Variants in LNX1 observed in about 807,000 individuals in gnomAD.
LNX1 encodes E3 ubiquitin-protein ligase LNX.
In LNX1, 54 loss-of-function variants were observed where a neutral mutation model predicts 68.4. That is an observed-to-expected ratio of 0.79 (90% CI 0.63 to 0.99). The LOEUF is 0.99. LNX1 is among the 50% of genes least tolerant of loss of function. The pLI is 0.00. For synonymous variants in LNX1, 336 were observed against 350.0 expected (o/e 0.96, Z 0.45); for missense variants, 906 against 926.4 (o/e 0.98, Z 0.29).
intron 2 of LNX1, among the ~76,000 whole-genome samples, chr4:53,525,739 T>C (rs1482017726): frequency 1.3e-5 from 2 of 152,224 alleles, no homozygotes; most frequent in African/African-American, 2.4e-5. Flanking sequence ...CTTGGATCAA[T>C]GCTATGGTAG....
chr4:53,561,496 G>C (rs1402096357), intron 2 of LNX1, among the ~76,000 whole-genome samples: 1 of 152,152 alleles, frequency 6.6e-6, no homozygotes, highest in Admixed American at 6.5e-5. Flanking sequence ...AAAGTGCTGG[G>C]ATTACAAGCT....
At chr4:53,588,579 C>T (rs1370900911) in intron 1 of LNX1, among the ~76,000 whole-genome samples, 1 of 152,094 alleles carries the variant, frequency 6.6e-6, no homozygotes, top group East Asian at 1.9e-4. Context: ...GAGGCACTAC[C>T]CAGTCCCCCC....
intron 1 of LNX1, among the ~76,000 whole-genome samples, chr4:53,637,871 G>A (rs1359930309): frequency 6.6e-6 from 1 of 152,114 alleles, no homozygotes; most frequent in Non-Finnish European, 1.5e-5. Flanking sequence ...ACTCAAAGTC[G>A]CACCTTCTAA....
chr4:53,542,383 G>C (rs1218070523), intron 2 of LNX1, among the ~76,000 whole-genome samples: 1 of 152,174 alleles, frequency 6.6e-6, no homozygotes, highest in Non-Finnish European at 1.5e-5. Flanking sequence ...AGTGTCTTGG[G>C]ATTTTATATT....
intron 1 of LNX1, among the ~76,000 whole-genome samples, chr4:53,627,259 C>T (rs556346442): frequency 1.3e-5 from 2 of 152,152 alleles, no homozygotes. Flanking sequence ...CTTGGAGGTT[C>T]CCTGTTCACT....
intron 4 of LNX1, among the ~76,000 whole-genome samples, chr4:53,500,709 G>A (rs1725412949): frequency 6.6e-6 from 1 of 152,184 alleles, no homozygotes; most frequent in Admixed American, 6.5e-5. Flanking sequence ...TAAGGCAGGG[G>A]TAAGCTGGCT....
chr4:53,574,698 C>T (rs1731376188), intron 1 of LNX1, among the ~76,000 whole-genome samples: 1 of 152,198 alleles, frequency 6.6e-6, no homozygotes, highest in Admixed American at 6.5e-5. Flanking sequence ...CAAATCCCAC[C>T]ACTATGGGCC....
chr4:53,468,493 T>A (rs1722877511), intron 9 of LNX1, among the ~76,000 whole-genome samples: 1 of 152,044 alleles, frequency 6.6e-6, no homozygotes, highest in Admixed American at 6.5e-5. Context: ...CACATAACAA[T>A]ATTCACCTTA....
At chr4:53,575,401 C>T (rs577990596) in intron 1 of LNX1, 39 of 607,146 alleles carry the variant, frequency 6.4e-5, no homozygotes, top group African/African-American at 5.4e-4. Flanking sequence ...AAGTCTCTTG[C>T]GTAGAAAGTC....
chr4:53,526,566 C>T (rs1432166925), intron 2 of LNX1, among the ~76,000 whole-genome samples: 5 of 151,798 alleles, frequency 3.3e-5, no homozygotes, highest in Admixed American at 1.3e-4. Context: ...CTTTTCCTTC[C>T]AGACCCCTGT....
intron 2 of LNX1, among the ~76,000 whole-genome samples, chr4:53,547,811 A>G (rs1214626600): frequency 6.6e-6 from 1 of 152,154 alleles, no homozygotes; most frequent in Admixed American, 6.5e-5. Context: ...AAAGAAAGGA[A>G]GGTGAATTTG....
intron 2 of LNX1, among the ~76,000 whole-genome samples, chr4:53,533,802 C>T (rs1449449068): frequency 6.6e-6 from 1 of 152,170 alleles, no homozygotes; most frequent in Non-Finnish European, 1.5e-5. Flanking sequence ...AGGACAGCCC[C>T]CACAACCAAG....
Position 53,460,421 on chromosome 4 carries a change from AATCTT to A in LNX1, c.*481_*485del, listed in dbSNP as rs1721738750. On this transcript the variant is annotated 3_prime_UTR_variant, in exon 11 of 11. Transcript: ENST00000263925. ...TTTTAAATAGTGATAATACAAAAGT[AATCTT>A]AATTAGTATCACATACTAAAAGACA... 2 of 189,462 alleles carry A rather than the reference AATCTT, an allele frequency of 1.1e-5. No individual in the cohort carries two copies. Among genetic ancestry groups the A allele is most frequent in the Non-Finnish European group, 1.1e-5 (1 of 90,540 alleles). 11.7% of individuals were successfully genotyped at this position (189,462 alleles called of 1,614,324 possible).
intron 4 of LNX1, among the ~76,000 whole-genome samples, chr4:53,503,296 T>C (rs1725636972): frequency 6.6e-6 from 1 of 152,238 alleles, no homozygotes; most frequent in Non-Finnish European, 1.5e-5. Context: ...CAATTTTCCT[T>C]GCCCAGATCC....
intron 1 of LNX1, among the ~76,000 whole-genome samples, chr4:53,647,973 T>G (rs1734950083): frequency 6.6e-6 from 1 of 152,266 alleles, no homozygotes; most frequent in South Asian, 2.1e-4. Flanking sequence ...ATTTATCCCA[T>G]TGTATGTGTA....
At chr4:53,476,085 T>C (rs1399988823) in intron 9 of LNX1, among the ~76,000 whole-genome samples, 1 of 152,088 alleles carries the variant, frequency 6.6e-6, no homozygotes, top group Non-Finnish European at 1.5e-5. Flanking sequence ...TTGATTGAAG[T>C]CAGGAGTTTG....
intron 2 of LNX1, among the ~76,000 whole-genome samples, chr4:53,610,757 A>G (rs530600553): frequency 6.6e-6 from 1 of 151,518 alleles, no homozygotes; most frequent in South Asian, 2.1e-4. Context: ...TCTTCATTCT[A>G]AGAAATTAGA....
chr4:53,528,793 G>T (rs143228724), intron 2 of LNX1, among the ~76,000 whole-genome samples: 2 of 152,238 alleles, frequency 1.3e-5, no homozygotes, highest in African/African-American at 4.8e-5. Context: ...TCCCTGGAAG[G>T]TGGGGACTAG....
chr4:53,596,831 C>A (rs1732775883), intron 2 of LNX1, among the ~76,000 whole-genome samples: 1 of 152,114 alleles, frequency 6.6e-6, no homozygotes, highest in Non-Finnish European at 1.5e-5. Flanking sequence ...ATTGAGTCAC[C>A]CATTCTCAGG....
Sources: gnomAD v4.1 joint callset for allele counts (sites outside exome capture counted in the v4.1 genomes callset) on GRCh38, gnomAD v4.1.1 for gene constraint, MANE v1.5 for transcripts, NCBI Gene and HGNC (gene_info 2026-07-23, HGNC 2026-07-21) for gene names.